GSAP: variants seen among roughly 807,000 people sequenced by gnomAD.
GSAP encodes gamma-secretase activating protein, also known as gamma-secretase-activating protein.
In GSAP, 118 loss-of-function variants were observed where a neutral mutation model predicts 131.7. That is an observed-to-expected ratio of 0.90 (90% CI 0.77 to 1.04). The LOEUF is 1.04. GSAP is among the 50% of genes least tolerant of loss of function. The probability of loss-of-function intolerance (pLI) is 0.00; values close to 1 mark genes in which losing one functional copy is unlikely to be tolerated. For missense variants in GSAP, 1,019 were observed against 1,013.2 expected, an observed-to-expected ratio of 1.01 and a Z score of -0.08; for synonymous variants, 381 against 363.4, an observed-to-expected ratio of 1.05 and a Z score of -0.55.
chr7:77,372,447 TATTG>T (rs1156552321), intron 12 of GSAP, among the ~76,000 whole-genome samples: 2 of 152,180 alleles, frequency 1.3e-5, no homozygotes, highest in African/African-American at 2.4e-5. Context: ...AAATAAAGTT[TATTG>T]ATTAATGTGA....
chr7:77,344,568 A>G (rs1051231573), intron 19 of GSAP, among the ~76,000 whole-genome samples: 1 of 96,442 alleles, frequency 1.0e-5, no homozygotes, highest in Admixed American at 1.2e-4. Flanking sequence ...GTTCTCAACT[A>G]CTCATAAATG....
chr7:77,346,953 C>A (rs1405387389), intron 19 of GSAP, among the ~76,000 whole-genome samples: 1 of 149,024 alleles, frequency 6.7e-6, no homozygotes, highest in African/African-American at 2.5e-5. Flanking sequence ...CCCCGCCCCA[C>A]CCCCCTGCCT....
intron 3 of GSAP, among the ~76,000 whole-genome samples, chr7:77,402,683 G>A (rs1479212499): frequency 2.6e-4 from 33 of 124,788 alleles, no homozygotes; most frequent in Middle Eastern, 4.4e-3. Flanking sequence ...CAAAAGGTCC[G>A]TAAAAAAAAA....
At chr7:77,348,682 C>T (rs1299261456) in intron 19 of GSAP, among the ~76,000 whole-genome samples, 2 of 152,146 alleles carry the variant, frequency 1.3e-5, no homozygotes, top group Non-Finnish European at 2.9e-5. Context: ...TAAAACACTC[C>T]CCCTAGTTTT....
At chr7:77,406,920 AGAG>A (rs1003134567) in intron 1 of GSAP, among the ~76,000 whole-genome samples, 1 of 152,224 alleles carries the variant, frequency 6.6e-6, no homozygotes, top group African/African-American at 2.4e-5. Flanking sequence ...TTGGTGGTTT[AGAG>A]GCACCTGAGA....
intron 23 of GSAP, among the ~76,000 whole-genome samples, chr7:77,324,826 C>CTTTTT (rs150930764): frequency 5.1e-4 from 50 of 97,292 alleles, no homozygotes; most frequent in Non-Finnish European, 6.0e-4. Flanking sequence ...GTTTGCCATA[C>CTTTTT]TTTTTTTTTT....
chr7:77,328,847 G>A (rs1030979209), intron 21 of GSAP, among the ~76,000 whole-genome samples: 3 of 151,988 alleles, frequency 2.0e-5, no homozygotes, highest in African/African-American at 7.2e-5. Flanking sequence ...TGCCAACAAC[G>A]GCAATAATTT....
At chr7:77,320,054 C>T (rs1331006054) in intron 26 of GSAP, among the ~76,000 whole-genome samples, 10 of 152,058 alleles carry the variant, frequency 6.6e-5, no homozygotes, top group Non-Finnish European at 1.5e-4. Flanking sequence ...AAAAAATGAA[C>T]TGATATGTAA....
intron 3 of GSAP, among the ~76,000 whole-genome samples, chr7:77,399,202 G>T (rs1252052238): frequency 2.6e-5 from 4 of 152,172 alleles, no homozygotes; most frequent in Non-Finnish European, 4.4e-5. Context: ...TTAACTCCAA[G>T]CATCAAAAAA....
intron 19 of GSAP, among the ~76,000 whole-genome samples, chr7:77,341,835 T>C (rs1397248417): frequency 6.6e-6 from 1 of 152,204 alleles, no homozygotes; most frequent in African/African-American, 2.4e-5. Flanking sequence ...AGTAGCAACA[T>C]ATTTCTGAGT....
At chr7:77,403,389 C>A (rs568670605) in intron 3 of GSAP, among the ~76,000 whole-genome samples, 1 of 152,152 alleles carries the variant, frequency 6.6e-6, no homozygotes, top group Non-Finnish European at 1.5e-5. Context: ...GTATTGGAAC[C>A]CTGAAGAGTA....
At chr7:77,312,337 C>T (rs1044519757) in intron 28 of GSAP, 135 bp from the exon 29 acceptor site, 16 of 547,474 alleles carry the variant, frequency 2.9e-5, no homozygotes, top group Non-Finnish European at 4.2e-5. Context: ...TGATTAAGGA[C>T]CCTTGGAGAA....
chr7:77,389,502 C>T (rs1799125897), intron 5 of GSAP, among the ~76,000 whole-genome samples: 1 of 121,710 alleles, frequency 8.2e-6, no homozygotes, highest in South Asian at 2.8e-4. Context: ...TCTCATTGTT[C>T]GATTCCCACC....
At chr7:77,415,411 A>G (rs1347165431) in intron 1 of GSAP, 3 of 152,306 alleles carry the variant, frequency 2.0e-5, no homozygotes, top group Admixed American at 6.5e-5. Context: ...CAATATTTAT[A>G]GAAGACTTTT....
intron 1 of GSAP, among the ~76,000 whole-genome samples, chr7:77,413,857 G>GTTTT (rs75886240): frequency 0.074 from 11,183 of 150,338 alleles, 469 homozygotes; most frequent in African/African-American, 0.1. Context: ...TACTTCGGTG[G>GTTTT]TTTTTTTCTT....
intron 19 of GSAP, among the ~76,000 whole-genome samples, chr7:77,332,549 T>C (rs575506871): frequency 6.6e-6 from 1 of 152,272 alleles, no homozygotes; most frequent in South Asian, 2.1e-4. Context: ...AAATAGAGCA[T>C]GTGTTTGTAT....
At chr7:77,342,613 T>C (rs1009643477) in intron 19 of GSAP, among the ~76,000 whole-genome samples, 5 of 152,114 alleles carry the variant, frequency 3.3e-5, no homozygotes, top group East Asian at 1.9e-4. Context: ...TACTCCCCCC[T>C]TGGCGACCAA....
chr7:77,329,279 G>C, intron 21 of GSAP, 54 bp downstream of exon 21: 1 of 983,076 alleles, frequency 1.0e-6, no homozygotes, highest in Non-Finnish European at 1.5e-6. Flanking sequence ...ACAAAACAAA[G>C]TAATTGTAAA....
intron 5 of GSAP, among the ~76,000 whole-genome samples, 180 bp downstream of exon 5, chr7:77,396,801 GT>G (rs1211711256): frequency 6.7e-6 from 1 of 149,086 alleles, no homozygotes; most frequent in Non-Finnish European, 1.5e-5. Context: ...GTCCTTTTCT[GT>G]TTGCTTGAAA....
Sources: allele counts gnomAD v4.1 joint callset (sites outside exome capture counted in the v4.1 genomes callset), GRCh38; gene constraint gnomAD v4.1.1; transcripts MANE v1.5; gene names NCBI Gene and HGNC (gene_info 2026-07-23, HGNC 2026-07-21).